The following PPP1R3B variants were observed in gnomAD, a reference collection of about 807,000 sequenced individuals.
The protein encoded by PPP1R3B is protein phosphatase 1 regulatory subunit 3B.
A neutral mutation model predicts 14.6 loss-of-function variants in PPP1R3B; 8 were observed. The observed-to-expected ratio is 0.55, with a 90% CI of 0.32 to 0.99. PPP1R3B has a LOEUF of 0.99. Ranked by LOEUF, PPP1R3B falls within the 50% of genes least tolerant of loss-of-function variation. The pLI is 0.04. For synonymous variants in PPP1R3B, 169 were observed against 142.0 expected, an observed-to-expected ratio of 1.19 and a Z score of -1.35; for missense variants, 452 against 360.1, an observed-to-expected ratio of 1.26 and a Z score of -2.07.
chr8:9,146,287 C>G (rs1272044297), intron 1 of PPP1R3B, among the ~76,000 whole-genome samples: 3 of 152,156 alleles, frequency 2.0e-5, no homozygotes, highest in African/African-American at 7.2e-5. Context: ...GTCCCCAAAC[C>G]TATCTCCCCT....
Position 9,137,933 on chromosome 8 carries a change from G to C in PPP1R3B, c.*2861C>G, listed in dbSNP as rs1278004317. Reference sequence around the variant, plus strand: ...GAGGGTTTACGGCTGCTTTAGAAGAGATAGTTATCACTGAATTACCATATT... The same window carrying C: ...GAGGGTTTACGGCTGCTTTAGAAGACATAGTTATCACTGAATTACCATATT... On this transcript the variant is annotated 3_prime_UTR_variant, in exon 2 of 2. Coordinates refer to ENST00000310455, the MANE Select transcript of PPP1R3B (RefSeq NM_024607.4). 2.0e-5 allele frequency: 3 copies of C among 152,156 alleles called. No individual in the cohort carries two copies. Among genetic ancestry groups the C allele is most frequent in the African/African-American group, 7.2e-5 (3 of 41,434 alleles). 9.4% of individuals were successfully genotyped at this position (152,156 alleles called of 1,614,324 possible).
At chr8:9,141,807 T>A in intron 1 of PPP1R3B, 139 bp from the exon 2 acceptor site, 1 of 659,834 alleles carries the variant, frequency 1.5e-6, no homozygotes, top group Non-Finnish European at 2.3e-6. Context: ...AGGTCAGGAT[T>A]AACTCTGGTG....
At chr8:9,146,044 A>G (rs1197492170) in intron 1 of PPP1R3B, among the ~76,000 whole-genome samples, 2 of 151,674 alleles carry the variant, frequency 1.3e-5, no homozygotes, top group African/African-American at 4.8e-5. Flanking sequence ...TAATTTTTCA[A>G]TTTTTATAGA....
chr8:9,141,119 T>C lies in PPP1R3B; in HGVS notation c.533A>G (p.Gln178Arg), dbSNP rs950761308. Residue 178 changes from glutamine to arginine, a missense_variant, in exon 2 of 2, where the codon CAG (glutamine) becomes CGG (arginine). Gln to Arg is a conservative substitution (Grantham distance 43). Coordinates refer to ENST00000310455, the MANE Select transcript of PPP1R3B (RefSeq NM_024607.4). ...ACCGGCATAAGTGTCCTTCACGTAC[T>C]GACAAGGAAAGTCTGTGTAGCTCTT... ...TWKSYTDFPC[Q>R]YVKDTYAGSD... 6 of 1,614,122 alleles carry C rather than the reference T, an allele frequency of 3.7e-6. No individual in the cohort carries two copies. Among genetic ancestry groups the C allele is most frequent in the African/African-American group, 2.7e-5 (2 of 74,936 alleles).
At chr8:9,143,933 A>G in intron 1 of PPP1R3B, among the ~76,000 whole-genome samples, 1 of 152,188 alleles carries the variant, frequency 6.6e-6, no homozygotes, top group East Asian at 1.9e-4. Context: ...ATATTTTACA[A>G]TAAGCATAGC....
At chr8:9,142,485 A>G (rs566084765) in intron 1 of PPP1R3B, 2 of 152,226 alleles carry the variant, frequency 1.3e-5, no homozygotes, top group Non-Finnish European at 2.9e-5. Context: ...AAATCGAGCT[A>G]TTTAACATGC....
Position 9,138,317 on chromosome 8 carries a change from C to T in PPP1R3B, c.*2477G>A, listed in dbSNP as rs982911457. ...ACAGCATAAGGTAAAAATGTGATTT[C>T]CCCTAAAATTATAACATCATGTCAT... On this transcript the variant is annotated 3_prime_UTR_variant, in exon 2 of 2. Coordinates refer to ENST00000310455, the MANE Select transcript of PPP1R3B (RefSeq NM_024607.4). 6.6e-6 allele frequency: 1 copy of T among 152,170 alleles called. No homozygotes were observed. Among genetic ancestry groups the T allele is most frequent in the Non-Finnish European group, 1.5e-5 (1 of 68,032 alleles). The allele number at this position is 152,170 out of a possible 1,614,324, so 9.4% of individuals were successfully genotyped here.
rs1206137256 is a variant in PPP1R3B at position 9,140,576 on chromosome 8, C to G, written c.*218G>C. The G allele has an allele frequency of 3.3e-6, 2 of 601,762 alleles. No individual in the cohort carries two copies. The highest frequency in any genetic ancestry group is 6.0e-5 in the Admixed American group (2 of 33,606). The allele number at this position is 601,762 out of a possible 1,614,324, so 37.3% of individuals were successfully genotyped here. On this transcript the variant is annotated 3_prime_UTR_variant, in exon 2 of 2. Transcript: ENST00000310455. ...TGGCTGCCACAGTGCGAAAGCGCGC[C>G]AGCCACCACTGCTCCTTTGAGTGAG... is the stretch of plus-strand genomic sequence containing the variant.
chr8:9,142,115 A>G (rs1034082819), intron 1 of PPP1R3B, among the ~76,000 whole-genome samples: 1 of 152,190 alleles, frequency 6.6e-6, no homozygotes, highest in African/African-American at 2.4e-5. Context: ...ACGTATTTTT[A>G]GAGATAGGGT....
At chr8:9,141,727 A>G (rs1801098441) in intron 1 of PPP1R3B, 59 bp from the exon 2 acceptor site, 5 of 1,490,766 alleles carry the variant, frequency 3.4e-6, no homozygotes, top group Non-Finnish European at 4.6e-6. Context: ...GATCAGACAG[A>G]TGTGTAAAGG....
intron 1 of PPP1R3B, among the ~76,000 whole-genome samples, chr8:9,142,684 C>T (rs953659340): frequency 6.6e-6 from 1 of 152,144 alleles, no homozygotes; most frequent in African/African-American, 2.4e-5. Flanking sequence ...TCTACCCTCA[C>T]TTTCTGGTAG....
At chr8:9,147,748 G>A (rs1284628265) in intron 1 of PPP1R3B, among the ~76,000 whole-genome samples, 3 of 148,680 alleles carry the variant, frequency 2.0e-5, no homozygotes, top group South Asian at 2.3e-4. Flanking sequence ...GCAGAAGTCC[G>A]GCTTGGAGAG....
upstream of PPP1R3B, chr8:9,150,730 C>T (rs1223395261): frequency 6.6e-6 from 1 of 152,354 alleles, no homozygotes; most frequent in Admixed American, 6.5e-5. Context: ...GAGGAGGAGC[C>T]CGTTATCGCA....
rs1294085870 is a variant in PPP1R3B, at chr8:9,141,510, C to T, written c.142G>A (p.Gly48Arg). The change falls in exon 2 of 2, where the codon GGA (glycine) becomes AGA (arginine). Residue 48 changes from glycine (G) to arginine (R), a missense_variant. Gly to Arg is a moderately radical substitution (Grantham distance 125). Coordinates refer to ENST00000310455, the MANE Select transcript of PPP1R3B (RefSeq NM_024607.4). ...TCCTGGACAGCCGGGGCCACCATTC[C>T]ACTGGCTTCATTCTTGCTGCTCAGC... ...IQLSSKNEAS[G>R]MVAPAVQEKK... is the part of the protein sequence containing the mutation. The T allele has an allele frequency of 5.6e-6, 9 of 1,614,070 alleles. No individual in the cohort carries two copies. The highest frequency in any genetic ancestry group is 3.3e-4 in the Middle Eastern group (2 of 6,082).
In PPP1R3B at chr8:9,146,343, G is replaced by A. The variant is rs181607202; in HGVS notation, c.-18+4220C>T. ...TATGGCACAGGTGTAGGTGTGTGAT[G>A]ACGTGTTGGGGAGCTCACTCTCAAG... is the stretch of plus-strand genomic sequence containing the variant. On this transcript the variant is annotated intron_variant, in intron 1 of 1. Coordinates refer to ENST00000310455, the MANE Select transcript of PPP1R3B (RefSeq NM_024607.4). 6.6e-3 allele frequency among the ~76,000 whole-genome samples: 1,003 copies of A among 152,214 alleles called. 53 individuals carry two copies. The highest frequency in any genetic ancestry group is 1.3e-3 in the Non-Finnish European group (90 of 68,010).
chr8:9,148,925 C>G (rs1391486876), intron 1 of PPP1R3B, among the ~76,000 whole-genome samples: 1 of 152,120 alleles, frequency 6.6e-6, no homozygotes, highest in Non-Finnish European at 1.5e-5. Flanking sequence ...TGGTGGCTCA[C>G]GCCTGTAATC....
In PPP1R3B at chr8:9,141,547, C is replaced by G; in HGVS notation, c.105G>C (p.Arg35Ser). 6.2e-7 allele frequency: 1 copy of G among 1,614,082 alleles called. No homozygotes were observed. Among genetic ancestry groups the G allele is most frequent in the East Asian group, 2.2e-5 (1 of 44,866 alleles). Reference protein sequence around the residue: ...KISPKPSKPLRPCIQLSSKNE... With the variant: ...KISPKPSKPLSPCIQLSSKNE... ...TCTTGCTGCTCAGCTGAATACAAGG[C>G]CTCAGTGGTTTGCTGGGCTTTGGTG... Residue 35 changes from arginine to serine, a missense_variant, in exon 2 of 2, where the codon AGG becomes AGC. Coordinates refer to ENST00000310455, the MANE Select transcript of PPP1R3B (RefSeq NM_024607.4).
chr8:9,149,434 C>T (rs1318308246), intron 1 of PPP1R3B, among the ~76,000 whole-genome samples: 2 of 151,828 alleles, frequency 1.3e-5, no homozygotes, highest in East Asian at 1.9e-4. Context: ...ACCCGGGAGG[C>T]GGAGCTTACA....
At chr8:9,148,909 C>T (rs560106298) in intron 1 of PPP1R3B, among the ~76,000 whole-genome samples, 8 of 152,266 alleles carry the variant, frequency 5.3e-5, no homozygotes, top group Middle Eastern at 3.4e-3. Flanking sequence ...ACAAAAAGGC[C>T]GGGCGTGGTG....
Sources: allele counts gnomAD v4.1 joint callset (sites outside exome capture counted in the v4.1 genomes callset), GRCh38; gene constraint gnomAD v4.1.1; transcripts MANE v1.5; gene names NCBI Gene and HGNC (gene_info 2026-07-23, HGNC 2026-07-21).